The following CTNND2 variants were observed in gnomAD, a reference collection of about 807,000 sequenced individuals.
CTNND2 encodes the protein catenin delta 2.
A neutral mutation model predicts 144.4 loss-of-function variants in CTNND2; 22 were observed. The ratio of observed to expected loss-of-function variants is 0.15; its 90% CI spans 0.11 to 0.22. The LOEUF (loss-of-function observed/expected upper bound fraction) is 0.22, where lower values mean the gene tolerates loss of function less well. Ranked by LOEUF, CTNND2 falls within the 10% of genes least tolerant of loss-of-function variation. The pLI, the probability that CTNND2 is intolerant of heterozygous loss-of-function variation, is 1.00. For missense variants in CTNND2, 1,353 were observed against 1,618.8 expected, an observed-to-expected ratio of 0.84 and a Z score of 2.82; for synonymous variants, 751 against 695.6, an observed-to-expected ratio of 1.08 and a Z score of -1.25.
At chr5:11,847,126 TTTTATATATATATATATATATATATA>T (rs1243408032) in intron 1 of CTNND2, among the ~76,000 whole-genome samples, 28 of 105,486 alleles carry the variant, frequency 2.7e-4, no homozygotes, top group African/African-American at 8.2e-4. Context: ...ATGTCAAAGA[TTTTATATATATATATATATATATATA>T]TATATATATA....
intron 9 of CTNND2, among the ~76,000 whole-genome samples, chr5:11,237,165 A>G (rs2521740): frequency 0.012 from 1,883 of 151,742 alleles, 17 homozygotes; most frequent in Non-Finnish European, 0.02. Flanking sequence ...GACTACAGGC[A>G]CCCACCACCA....
chr5:11,240,408 C>CA (rs1742184686), intron 9 of CTNND2, among the ~76,000 whole-genome samples: 19 of 119,472 alleles, frequency 1.6e-4, no homozygotes, highest in African/African-American at 5.2e-4. Flanking sequence ...CACACACACC[C>CA]ACAACACACA....
At position 11,508,696 on chromosome 5, in the gene CTNND2, GA is replaced by G. The variant is rs373698993; in HGVS notation, c.287+56247del. On this transcript the variant is annotated intron_variant, in intron 3 of 21. Coordinates refer to ENST00000304623, the MANE Select transcript of CTNND2 (RefSeq NM_001332.4). ...GGAGGCCGAGGTGGGTGGATCACCT[GA>G]GATCATGAGTTCCAGACCAGCCTGG... 1.1e-4 allele frequency among the ~76,000 whole-genome samples: 16 copies of G among 152,304 alleles called. 1 individual carries two copies. Among genetic ancestry groups the G allele is most frequent in the Middle Eastern group, 3.4e-3 (1 of 294 alleles).
chr5:11,330,506 A>G (rs1753014844), intron 9 of CTNND2, among the ~76,000 whole-genome samples: 2 of 149,252 alleles, frequency 1.3e-5, no homozygotes, highest in African/African-American at 2.5e-5. Context: ...AAAAAAAAAA[A>G]AAAGAAAGGA....
At chr5:11,570,297 G>A (rs1320428603) in intron 2 of CTNND2, among the ~76,000 whole-genome samples, 2 of 152,162 alleles carry the variant, frequency 1.3e-5, no homozygotes. Flanking sequence ...TCAGGCGGGA[G>A]ATTTCCTTTG....
intron 16 of CTNND2, among the ~76,000 whole-genome samples, chr5:11,052,892 T>G (rs1426414641): frequency 6.6e-6 from 1 of 152,168 alleles, no homozygotes; most frequent in Non-Finnish European, 1.5e-5. Flanking sequence ...TTTTCATTAG[T>G]GAGGCTTATT....
chr5:11,630,610 T>C (rs1319722089), intron 2 of CTNND2, among the ~76,000 whole-genome samples: 1 of 152,186 alleles, frequency 6.6e-6, no homozygotes, highest in East Asian at 1.9e-4. Flanking sequence ...TTTTCCTTTT[T>C]CCTTTATTGA....
At chr5:11,863,637 T>C (rs932247377) in intron 1 of CTNND2, among the ~76,000 whole-genome samples, 3 of 152,190 alleles carry the variant, frequency 2.0e-5, no homozygotes, top group East Asian at 1.9e-4. Context: ...AACTTAACAA[T>C]TGCTTGGCAA....
rs573202942 is a variant in CTNND2, at chr5:11,622,776, G to A, written c.175-57720C>T. 1.1e-4 allele frequency among the ~76,000 whole-genome samples: 16 copies of A among 152,218 alleles called. No individual in the cohort carries two copies. In the East Asian group the frequency reaches 2.7e-3, roughly 26 times the overall value. On this transcript the variant is annotated intron_variant, in intron 2 of 21. Transcript: ENST00000304623. Reference sequence around the variant, plus strand: ...TTTATATCCTGTCTACTTCAAAATGGAGTTGAGACAATTATATCAAGGGAG... The same window carrying A: ...TTTATATCCTGTCTACTTCAAAATGAAGTTGAGACAATTATATCAAGGGAG...
At chr5:11,662,720 T>C (rs1218055881) in intron 2 of CTNND2, among the ~76,000 whole-genome samples, 1 of 152,150 alleles carries the variant, frequency 6.6e-6, no homozygotes, top group African/African-American at 2.4e-5. Context: ...TAAACTCTAC[T>C]GTGAACTGCG....
At chr5:11,049,472 A>G (rs1371480775) in intron 16 of CTNND2, among the ~76,000 whole-genome samples, 2 of 152,174 alleles carry the variant, frequency 1.3e-5, no homozygotes, top group South Asian at 2.1e-4. Flanking sequence ...AAAGAAACCT[A>G]ATGAATGAAA....
chr5:11,393,285 G>A (rs944844342), intron 6 of CTNND2, among the ~76,000 whole-genome samples: 2 of 152,334 alleles, frequency 1.3e-5, no homozygotes, highest in Non-Finnish European at 2.9e-5. Flanking sequence ...TTCTCTTACA[G>A]CAAGCAGGCC....
At chr5:11,362,669 G>A (rs1187088017) in intron 8 of CTNND2, among the ~76,000 whole-genome samples, 1 of 152,156 alleles carries the variant, frequency 6.6e-6, no homozygotes, top group Non-Finnish European at 1.5e-5. Flanking sequence ...CACAATCATA[G>A]CACATCTCTG....
chr5:11,840,645 A>C (rs1794418146), intron 1 of CTNND2, among the ~76,000 whole-genome samples: 1 of 152,204 alleles, frequency 6.6e-6, no homozygotes, highest in Admixed American at 6.5e-5. Context: ...CTATTTAAGA[A>C]TCATGAGTGT....
At chr5:11,124,520 T>C (rs1278841401) in intron 12 of CTNND2, among the ~76,000 whole-genome samples, 2 of 152,218 alleles carry the variant, frequency 1.3e-5, no homozygotes, top group African/African-American at 4.8e-5. Flanking sequence ...AACACCTAGA[T>C]CAGGAGTTAA....
chr5:11,376,489 C>T (rs1186640286), intron 7 of CTNND2, among the ~76,000 whole-genome samples: 5 of 152,154 alleles, frequency 3.3e-5, no homozygotes, highest in Non-Finnish European at 7.3e-5. Flanking sequence ...AAAGAAAAAT[C>T]CAGTGACAGC....
chr5:11,053,326 A>T (rs1210670912), intron 16 of CTNND2, among the ~76,000 whole-genome samples: 1 of 152,254 alleles, frequency 6.6e-6, no homozygotes, highest in East Asian at 1.9e-4. Context: ...CAATGTCTAT[A>T]GGAAGAGGTT....
At chr5:11,762,106 C>CTGG (rs1274660785) in intron 1 of CTNND2, among the ~76,000 whole-genome samples, 2 of 152,096 alleles carry the variant, frequency 1.3e-5, no homozygotes, top group Non-Finnish European at 2.9e-5. Context: ...ACTGATATAA[C>CTGG]TGGATGAAAT....
intron 18 of CTNND2, among the ~76,000 whole-genome samples, chr5:10,998,796 A>G (rs950622357): frequency 6.6e-6 from 1 of 152,236 alleles, no homozygotes; most frequent in Non-Finnish European, 1.5e-5. Context: ...TATTAACATT[A>G]CATATTATAA....
Sources: allele counts gnomAD v4.1 joint callset (sites outside exome capture counted in the v4.1 genomes callset), GRCh38; gene constraint gnomAD v4.1.1; transcripts MANE v1.5; gene names NCBI Gene and HGNC (gene_info 2026-07-23, HGNC 2026-07-21).